The following MAST4 variants were observed in gnomAD, a reference collection of about 807,000 sequenced individuals.
MAST4 encodes the protein microtubule associated serine/threonine kinase family member 4.
A neutral mutation model predicts 162.7 loss-of-function variants in MAST4; 89 were observed. The observed-to-expected ratio is 0.55, with a 90% confidence interval of 0.46 to 0.65. The LOEUF is 0.65. Among genes scored for constraint, MAST4 ranks in the 30% least tolerant of loss-of-function variants. The probability of loss-of-function intolerance (pLI) is 0.00; values close to 1 mark genes in which losing one functional copy is unlikely to be tolerated. For synonymous variants in MAST4, 1,479 were observed against 1,361.1 expected (o/e 1.09, Z -1.91); for missense variants, 3,153 against 3,374.0 (o/e 0.93, Z 1.62).
chr5:67,162,583 C>G (rs903118296), intron 27 of MAST4, 24 bp from the exon 28 acceptor site: 2 of 1,611,752 alleles, frequency 1.2e-6, no homozygotes, highest in African/African-American at 2.7e-5. Flanking sequence ...GAAGACTGAA[C>G]AATTTTTTCC....
chr5:66,702,425 G>A lies in MAST4; in HGVS notation c.364-57284G>A, dbSNP rs1330425589. Among the ~76,000 whole-genome samples the A allele has an allele frequency of 3.9e-5, 6 of 152,144 alleles. No individual in the cohort carries two copies. In the East Asian group the frequency reaches 1.2e-3, roughly 29 times the overall value. ...CAGAAATAGTTACGTTATGTCAGTGGTCCAGTGGCGTGCTAAGATAAAAAT... is the reference window on the plus strand; with the variant it reads ...CAGAAATAGTTACGTTATGTCAGTGATCCAGTGGCGTGCTAAGATAAAAAT... On this transcript the variant is annotated intron_variant, in intron 1 of 28. Transcript: ENST00000403625.
chr5:66,668,295 C>A (rs1358275397), intron 1 of MAST4, among the ~76,000 whole-genome samples: 1 of 152,176 alleles, frequency 6.6e-6, no homozygotes, highest in Non-Finnish European at 1.5e-5. Flanking sequence ...TTGTTTACAG[C>A]CTTTCTGAGT....
chr5:66,824,313 G>A (rs909247772), intron 3 of MAST4, among the ~76,000 whole-genome samples: 9 of 152,072 alleles, frequency 5.9e-5, no homozygotes, highest in Non-Finnish European at 1.2e-4. Context: ...CGAGGGGCAG[G>A]GCAACACAGT....
At chr5:66,710,370 G>C (rs1020284056) in intron 1 of MAST4, among the ~76,000 whole-genome samples, 1 of 152,100 alleles carries the variant, frequency 6.6e-6, no homozygotes, top group Non-Finnish European at 1.5e-5. Context: ...TCTATTACTT[G>C]ATAAGTGGAC....
At chr5:66,778,225 GTCTTTGGTC>G (rs551266845) in intron 2 of MAST4, among the ~76,000 whole-genome samples, 2 of 152,240 alleles carry the variant, frequency 1.3e-5, no homozygotes, top group African/African-American at 4.8e-5. Flanking sequence ...TGTCACATTA[GTCTTTGGTC>G]TCTGCAACTG....
At chr5:67,016,767 T>C (rs1753332676) in intron 4 of MAST4, among the ~76,000 whole-genome samples, 1 of 152,214 alleles carries the variant, frequency 6.6e-6, no homozygotes, top group Non-Finnish European at 1.5e-5. Context: ...CTCAGGCTTA[T>C]TTTCCTGAGC....
chr5:66,788,765 C>A lies in MAST4; in HGVS notation c.613C>A (p.Gln205Lys), dbSNP rs967242439. The A allele has an allele frequency of 1.0e-5, 16 of 1,602,866 alleles. No homozygotes were observed. Among genetic ancestry groups the A allele is most frequent in the African/African-American group, 1.3e-5 (1 of 74,538 alleles). Residue 205 changes from glutamine (Q) to lysine (K), a missense_variant, in exon 3 of 29, where the codon CAG becomes AAG. Physicochemically the swap from Gln to Lys is moderately conservative, Grantham distance 53. Coordinates refer to ENST00000403625, the MANE Select transcript of MAST4 (RefSeq NM_001164664.2). ...LVRMRSQALGQSAPSLTASLK... is the reference protein window; with the variant it reads ...LVRMRSQALGKSAPSLTASLK... The stretch of plus-strand genomic sequence containing the variant: ...GCGCATGCGCAGCCAGGCCCTGGGC[C>A]AGTCGGCGCCCTCGCTCACCGCCAG...
intron 4 of MAST4, among the ~76,000 whole-genome samples, chr5:66,950,767 G>C (rs1744585249): frequency 6.6e-6 from 1 of 152,136 alleles, no homozygotes; most frequent in Admixed American, 6.5e-5. Context: ...ACATATCTGA[G>C]TTCCTGCCTC....
rs116775524 is a variant in MAST4 at position 66,967,383 on chromosome 5, A to G, written c.674+67401A>G. Among the ~76,000 whole-genome samples the G allele has an allele frequency of 8.0e-3, 1,224 of 152,270 alleles. 15 individuals carry two copies. Among genetic ancestry groups the G allele is most frequent in the African/African-American group, 0.028 (1,167 of 41,554 alleles). On this transcript the variant is annotated intron_variant, in intron 4 of 28. Coordinates refer to ENST00000403625, the MANE Select transcript of MAST4 (RefSeq NM_001164664.2). Reference sequence around the variant, plus strand: ...TTCCTGAAGGTTGGCCAGAAATAAGACATCTGCAGCTTCCAGGACAGCTCA... The same window carrying G: ...TTCCTGAAGGTTGGCCAGAAATAAGGCATCTGCAGCTTCCAGGACAGCTCA...
chr5:67,125,411 C>A (rs1768099484), intron 14 of MAST4, among the ~76,000 whole-genome samples: 1 of 151,928 alleles, frequency 6.6e-6, no homozygotes, highest in African/African-American at 2.4e-5. Context: ...TAGCCCCCAA[C>A]TCCCCGACAG....
At chr5:66,837,892 ATATTTTTTTTTTTT>A (rs1217882874) in intron 3 of MAST4, among the ~76,000 whole-genome samples, 4,228 of 34,734 alleles carry the variant, frequency 0.12, 92 homozygotes, top group Middle Eastern at 0.22. Flanking sequence ...ATATATATAT[ATATTTTTTTTTTTT>A]TTTTTTTTTT....
intron 1 of MAST4, among the ~76,000 whole-genome samples, chr5:66,603,951 C>T (rs1473718814): frequency 6.6e-6 from 1 of 152,208 alleles, no homozygotes; most frequent in East Asian, 1.9e-4. Context: ...CAAAATTAAG[C>T]AGAAGTTGGT....
chr5:66,621,004 T>G (rs1016195919), intron 1 of MAST4, among the ~76,000 whole-genome samples: 1 of 152,040 alleles, frequency 6.6e-6, no homozygotes, highest in African/African-American at 2.4e-5. Context: ...TGTTTCTAAA[T>G]AGATTGTTTT....
At chr5:67,151,814 C>T (rs1269480757) in intron 24 of MAST4, among the ~76,000 whole-genome samples, 1 of 132,944 alleles carries the variant, frequency 7.5e-6, no homozygotes, top group Non-Finnish European at 1.5e-5. Flanking sequence ...GTCGCCTAGG[C>T]TGGAGTGCCA....
intron 2 of MAST4, among the ~76,000 whole-genome samples, chr5:66,776,740 A>T (rs1323285748): frequency 3.9e-5 from 6 of 152,214 alleles, no homozygotes; most frequent in Non-Finnish European, 5.9e-5. Context: ...TTTCACATGC[A>T]GGATATTGTG....
intron 3 of MAST4, among the ~76,000 whole-genome samples, chr5:66,799,915 A>T (rs1755833493): frequency 6.6e-6 from 1 of 152,124 alleles, no homozygotes; most frequent in Admixed American, 6.5e-5. Context: ...TACCTATCTC[A>T]TGTCATTGTT....
intron 4 of MAST4, among the ~76,000 whole-genome samples, chr5:66,904,438 C>T (rs115116522): frequency 0.014 from 2,077 of 152,178 alleles, 43 homozygotes; most frequent in African/African-American, 0.047. Flanking sequence ...CAGATGTCTC[C>T]GTATAGAGAA....
At chr5:66,682,356 A>G (rs958209550) in intron 1 of MAST4, among the ~76,000 whole-genome samples, 3 of 152,238 alleles carry the variant, frequency 2.0e-5, no homozygotes, top group African/African-American at 7.2e-5. Context: ...CTCAAAGAAC[A>G]GTGTGAGGAA....
chr5:67,039,694 A>C (rs574265735), intron 4 of MAST4, among the ~76,000 whole-genome samples: 282 of 152,258 alleles, frequency 1.9e-3, no homozygotes, highest in Non-Finnish European at 3.1e-3. Flanking sequence ...TAACTGAAGC[A>C]CTGTGTCTCA....
Sources: allele counts gnomAD v4.1 joint callset (sites outside exome capture counted in the v4.1 genomes callset), GRCh38; gene constraint gnomAD v4.1.1; transcripts MANE v1.5; gene names NCBI Gene and HGNC (gene_info 2026-07-23, HGNC 2026-07-21).